Variants in CARHSP1 observed in about 807,000 individuals in gnomAD.
CARHSP1 encodes calcium-regulated heat-stable protein 1.
Under a neutral mutation model 12.5 loss-of-function variants are expected in CARHSP1, and 14 were observed. That is an observed-to-expected ratio of 1.12 (90% CI 0.74 to 1.75). The LOEUF is 1.75. Ranked by LOEUF, CARHSP1 falls within the 40% of genes most tolerant of loss-of-function variation. CARHSP1 has a pLI of 0.00. For synonymous variants in CARHSP1, 161 were observed against 82.0 expected (o/e 1.96, Z -5.20); for missense variants, 343 against 201.6 (o/e 1.70, Z -4.25).
At position 8,855,325 on chromosome 16, in the gene CARHSP1, C is replaced by A; in HGVS notation, c.283G>T (p.Val95Leu). ...GPDIFLHISD[V>L]EGEYVPVEGD... is the part of the protein sequence containing the mutation. Reference sequence around the variant, plus strand: ...TCCACTGGGACATACTCCCCTTCCACACTACGGGGGCATAAATAAAGCAGT... The same window carrying A: ...TCCACTGGGACATACTCCCCTTCCAAACTACGGGGGCATAAATAAAGCAGT... The change falls in exon 4 of 4, where the codon GTG (valine) becomes TTG (leucine). Residue 95 changes from valine (V) to leucine (L), a missense_variant and splice_region_variant. By Grantham distance (32) the Val-to-Leu change is conservative. Transcript: ENST00000311052. The A allele has an allele frequency of 1.3e-6, 2 of 1,594,082 alleles. No individual in the cohort carries two copies. Among genetic ancestry groups the A allele is most frequent in the South Asian group, 1.1e-5 (1 of 88,042 alleles).
At chr16:8,864,619 G>C (rs1230257812) in intron 1 of CARHSP1, among the ~76,000 whole-genome samples, 1 of 152,224 alleles carries the variant, frequency 6.6e-6, no homozygotes, top group Non-Finnish European at 1.5e-5. Context: ...GAAAAAGCCA[G>C]CAGGGTAAGG....
At chr16:8,855,525 G>A (rs989136572) in intron 3 of CARHSP1, among the ~76,000 whole-genome samples, 199 bp from the exon 4 acceptor site, 6 of 152,166 alleles carry the variant, frequency 3.9e-5, no homozygotes, top group African/African-American at 1.4e-4. Flanking sequence ...AGGCAAGGAG[G>A]CCCTGGCCCA....
At chr16:8,857,044 G>A (rs1441570001) in intron 3 of CARHSP1, among the ~76,000 whole-genome samples, 1 of 152,188 alleles carries the variant, frequency 6.6e-6, no homozygotes, top group Non-Finnish European at 1.5e-5. Flanking sequence ...CCCAAAGGAG[G>A]GCAGGAAGCT....
chr16:8,858,848 G>C, intron 2 of CARHSP1: 1 of 411,178 alleles, frequency 2.4e-6, no homozygotes. Context: ...CAGCCCTGGT[G>C]CTGTGCCCAT....
At chr16:8,861,789 A>C in intron 1 of CARHSP1, 1 of 1,260,032 alleles carries the variant, frequency 7.9e-7, no homozygotes, top group Non-Finnish European at 1.0e-6. Context: ...ACCTACCAGC[A>C]CAGGTCATAG....
intron 3 of CARHSP1, 164 bp downstream of exon 3, chr16:8,858,186 A>C (rs2061211446): frequency 4.9e-6 from 4 of 815,498 alleles, no homozygotes; most frequent in Admixed American, 2.8e-5. Flanking sequence ...AACCCAACAC[A>C]CACACAGGAG....
chr16:8,868,007 C>G (rs1379701130), intron 1 of CARHSP1: 1 of 152,284 alleles, frequency 6.6e-6, no homozygotes, highest in Non-Finnish European at 1.5e-5. Context: ...CACAGAGAGA[C>G]TGAGAAATAT....
At chr16:8,855,414 C>T in intron 3 of CARHSP1, 88 bp from the exon 4 acceptor site, 5 of 1,241,086 alleles carry the variant, frequency 4.0e-6, no homozygotes, top group Middle Eastern at 2.4e-4. Context: ...GGTCACACAG[C>T]CACCAAAGCA....
In CARHSP1 at chr16:8,854,511, G is replaced by T. The variant is rs1271284628; in HGVS notation, c.*653C>A. 6.5e-6 allele frequency: 1 copy of T among 152,714 alleles called. No homozygotes were observed. The highest frequency in any genetic ancestry group is 1.9e-4 in the East Asian group (1 of 5,196). The allele number at this position is 152,714 out of a possible 1,614,324, so 9.5% of individuals were successfully genotyped here. ...TGCTGTGCCCAGGGGTGGGAGTGCT[G>T]GGAGAACTGTCTTCCCCAGACAGGC... On this transcript the variant is annotated 3_prime_UTR_variant, in exon 4 of 4. Transcript: ENST00000311052.
intron 3 of CARHSP1, chr16:8,858,071 A>G: frequency 2.3e-6 from 1 of 441,756 alleles, no homozygotes; most frequent in Non-Finnish European, 4.1e-6. Context: ...CACACACAAA[A>G]CCTTACACAC....
chr16:8,861,158 A>ATT (rs765114977), intron 1 of CARHSP1, among the ~76,000 whole-genome samples: 8 of 51,268 alleles, frequency 1.6e-4, no homozygotes, highest in South Asian at 1.1e-3. Flanking sequence ...TCCATGCCTA[A>ATT]TTTTTTTTTT....
rs2141099908 is a variant in CARHSP1 at position 8,859,355 on chromosome 16, T to G, written c.-7-20A>C. The G allele has an allele frequency of 6.3e-7, 1 of 1,590,706 alleles. No individual in the cohort carries two copies. Among genetic ancestry groups the G allele is most frequent in the Non-Finnish European group, 8.5e-7 (1 of 1,175,628 alleles). On this transcript the variant is annotated intron_variant, in intron 1 of 3. Transcript: ENST00000311052. The stretch of plus-strand genomic sequence containing the variant: ...GCTGACCTGGAAAGAGAAGAGGCTG[T>G]CAGGGGCTCGTGCCTTGCAAGGTAG...
intron 1 of CARHSP1, chr16:8,861,910 C>G: frequency 1.3e-6 from 1 of 760,724 alleles, no homozygotes; most frequent in Non-Finnish European, 1.8e-6. Flanking sequence ...CCTCGCAACT[C>G]CACAGTTAGA....
chr16:8,855,904 C>A (rs188855037), intron 3 of CARHSP1, among the ~76,000 whole-genome samples: 4 of 152,278 alleles, frequency 2.6e-5, no homozygotes, highest in Admixed American at 2.0e-4. Flanking sequence ...CTTACTGCAT[C>A]CACCTCCCGA....
intron 1 of CARHSP1, among the ~76,000 whole-genome samples, chr16:8,863,828 GTCCCCTCCACAATACACACATACAC>G (rs2061410792): frequency 6.6e-6 from 1 of 152,184 alleles, no homozygotes; most frequent in Non-Finnish European, 1.5e-5. Flanking sequence ...CCTCTGCTGT[GTCCCCTCCACAATACACACATACAC>G]AAGGATGGGG....
intron 2 of CARHSP1, 105 bp downstream of exon 2, chr16:8,859,066 G>T: frequency 2.7e-6 from 3 of 1,095,512 alleles, no homozygotes; most frequent in African/African-American, 3.2e-5. Context: ...CTGCCTATTT[G>T]GCAGTCCGGG....
At chr16:8,861,112 G>A (rs1049554638) in intron 1 of CARHSP1, among the ~76,000 whole-genome samples, 4 of 147,302 alleles carry the variant, frequency 2.7e-5, no homozygotes, top group Non-Finnish European at 4.5e-5. Flanking sequence ...AGGCTGGAGG[G>A]CAGTGGCATA....
Position 8,853,893 on chromosome 16 carries a change from C to T in CARHSP1, c.*1271G>A, listed in dbSNP as rs896989653. The stretch of plus-strand genomic sequence containing the variant: ...CTGAGGTCAGGGGTTCAAGACCATC[C>T]TGCCCAACATGATGAAACCTGGTCT... On this transcript the variant is annotated 3_prime_UTR_variant, in exon 4 of 4. Transcript: ENST00000311052. 9 of 152,232 alleles carry T rather than the reference C, an allele frequency of 5.9e-5. No individual in the cohort carries two copies. The highest frequency in any genetic ancestry group is 2.2e-4 in the African/African-American group (9 of 41,448). The allele number at this position is 152,232 out of a possible 1,614,324, so 9.4% of individuals were successfully genotyped here.
At chr16:8,859,853 C>T (rs1169391478) in intron 1 of CARHSP1, 2 of 152,638 alleles carry the variant, frequency 1.3e-5, no homozygotes, top group Middle Eastern at 3.1e-3. Context: ...TGGCAGGCAC[C>T]TGTAATCCCA....
Sources: allele counts gnomAD v4.1 joint callset (sites outside exome capture counted in the v4.1 genomes callset), GRCh38; gene constraint gnomAD v4.1.1; transcripts MANE v1.5; gene names NCBI Gene and HGNC (gene_info 2026-07-23, HGNC 2026-07-21).